Variants in SMG1 observed in about 807,000 individuals in gnomAD.
The protein encoded by SMG1 is serine/threonine-protein kinase SMG1.
In SMG1, 22 loss-of-function variants were observed where a neutral mutation model predicts 419.9. The ratio of observed to expected loss-of-function variants is 0.05; its 90% CI spans 0.04 to 0.07. The LOEUF (loss-of-function observed/expected upper bound fraction) is 0.07, where lower values mean the gene tolerates loss of function less well. Ranked by LOEUF, SMG1 falls within the 10% of genes least tolerant of loss-of-function variation. The pLI, the probability that SMG1 is intolerant of heterozygous loss-of-function variation, is 1.00. For missense variants in SMG1, 3,185 were observed against 4,342.0 expected (o/e 0.73, Z 7.49); for synonymous variants, 1,538 against 1,553.5 (o/e 0.99, Z 0.23).
intron 1 of SMG1, among the ~76,000 whole-genome samples, chr16:18,914,476 A>G (rs1374029543): frequency 6.6e-6 from 1 of 151,982 alleles, no homozygotes; most frequent in African/African-American, 2.4e-5. Context: ...TAAGGTCAGG[A>G]GTTCAAGACC....
rs553057862 is a variant in SMG1 at position 18,905,026 on chromosome 16, G to A, written c.93-8070C>T. The stretch of plus-strand genomic sequence containing the variant: ...CCTGTAATCCCAGCACTTTGGGAGG[G>A]TGAGGCAGGCAGATCATGAGTTCAG... On this transcript the variant is annotated intron_variant, in intron 1 of 62. Coordinates refer to ENST00000446231, the MANE Select transcript of SMG1 (RefSeq NM_015092.5). Among the ~76,000 whole-genome samples the A allele has an allele frequency of 4.6e-5, 7 of 152,014 alleles. No individual in the cohort carries two copies. In the South Asian group the frequency reaches 1.5e-3, roughly 32 times the overall value.
At chr16:18,837,735 C>A (rs979481834) in intron 45 of SMG1, among the ~76,000 whole-genome samples, 1 of 152,174 alleles carries the variant, frequency 6.6e-6, no homozygotes, top group Admixed American at 6.5e-5. Context: ...AGAACATTTA[C>A]AGTCATCACT....
At chr16:18,845,918 C>T (rs550515619) in intron 38 of SMG1, among the ~76,000 whole-genome samples, 9 of 152,140 alleles carry the variant, frequency 5.9e-5, no homozygotes, top group Admixed American at 3.9e-4. Flanking sequence ...CGGGTTCAAG[C>T]AATTCCTCTG....
rs903765314 is a variant in SMG1, at chr16:18,837,168, A to G, written c.7604+85T>C. On this transcript the variant is annotated intron_variant, in intron 46 of 62. Transcript: ENST00000446231. ...TATCATTTATGTGATTTGTTACAAT[A>G]ATTCTAATCCATATTGATGTTTACA... 38 of 1,202,400 alleles carry G rather than the reference A, an allele frequency of 3.2e-5. No homozygotes were observed. The African/African-American group carries it at 5.1e-4, about 16-fold the overall frequency. The allele number at this position is 1,202,400 out of a possible 1,614,324, so 74.5% of individuals were successfully genotyped here.
At chr16:18,920,382 C>CAAAAAA (rs67904345) in intron 1 of SMG1, among the ~76,000 whole-genome samples, 45 of 100,792 alleles carry the variant, frequency 4.5e-4, no homozygotes, top group African/African-American at 1.9e-3. Context: ...AACTCCGTCT[C>CAAAAAA]AAAAAAAAAA....
chr16:18,886,989 G>GT (rs1183747948), intron 6 of SMG1, among the ~76,000 whole-genome samples: 1 of 152,068 alleles, frequency 6.6e-6, no homozygotes, highest in Non-Finnish European at 1.5e-5. Context: ...CTGTTATACA[G>GT]AAGAAAAACC....
chr16:18,911,356 A>G (rs1348605780), intron 1 of SMG1: 1 of 152,042 alleles, frequency 6.6e-6, no homozygotes. Flanking sequence ...ACAAAAAAAA[A>G]AATTACCTGG....
chr16:18,839,576 T>C (rs2033792263), intron 42 of SMG1, 122 bp downstream of exon 42: 2 of 1,289,888 alleles, frequency 1.6e-6, no homozygotes, highest in Non-Finnish European at 2.2e-6. Context: ...CAAATATACG[T>C]CTCAAACTAC....
At chr16:18,868,027 G>T (rs997692127) in intron 22 of SMG1, among the ~76,000 whole-genome samples, 163 bp downstream of exon 22, 1 of 152,170 alleles carries the variant, frequency 6.6e-6, no homozygotes, top group African/African-American at 2.4e-5. Context: ...TTCTAACACT[G>T]TAACTCTGGC....
chr16:18,875,164 T>C (rs1393332561), intron 13 of SMG1: 1 of 152,628 alleles, frequency 6.6e-6, no homozygotes, highest in Non-Finnish European at 1.5e-5. Context: ...CAGTTTGGAC[T>C]CATCACATGA....
chr16:18,893,675 T>C (rs1353903510), intron 3 of SMG1, among the ~76,000 whole-genome samples: 1 of 151,974 alleles, frequency 6.6e-6, no homozygotes, highest in African/African-American at 2.4e-5. Context: ...CTGTGCTATT[T>C]ACCATAATTA....
At chr16:18,835,294 T>C in intron 48 of SMG1, 130 bp from the exon 49 acceptor site, 7 of 1,009,642 alleles carry the variant, frequency 6.9e-6, no homozygotes, top group Non-Finnish European at 9.8e-6. Context: ...GATAAAAATG[T>C]CTCAAGAGCT....
At position 18,830,339 on chromosome 16, in the gene SMG1, G is replaced by C; in HGVS notation, c.8823C>G (p.Ile2941Met). 6.2e-7 allele frequency: 1 copy of C among 1,613,868 alleles called. No homozygotes were observed. The highest frequency in any genetic ancestry group is 1.3e-5 in the African/African-American group (1 of 75,004). The change falls in exon 52 of 63, where the codon ATC becomes ATG. Residue 2941 changes from isoleucine (I) to methionine (M), a missense_variant. This residue lies in a region of SMG1 where 737 missense variants were observed against 846.6 expected (regional missense o/e 0.87). Coordinates refer to ENST00000446231, the MANE Select transcript of SMG1 (RefSeq NM_015092.5). ...RLLHAQYGELIQPRNGSVDET... is the reference protein window; with the variant it reads ...RLLHAQYGELMQPRNGSVDET... ...CATCAACTGAACCATTTCTCGGTTG[G>C]ATTAATTCACCGTACTGAGCATGTA...
chr16:18,850,125 A>T lies in SMG1; in HGVS notation c.5285T>A (p.Ile1762Asn). 1 of 1,610,972 alleles carries T rather than the reference A, an allele frequency of 6.2e-7. No homozygotes were observed. The highest frequency in any genetic ancestry group is 8.5e-7 in the Non-Finnish European group (1 of 1,178,294). The part of the protein sequence containing the change: ...FTFLKLNAGQ[I>N]PLDEDDPRLH... The stretch of plus-strand genomic sequence containing the variant: ...CCTAGGGTCATCCTCATCTAAAGGA[A>T]TCTAAGAGTGAAAGATGAGGGGAAT... The change falls in exon 35 of 63, where the codon ATT becomes AAT. Residue 1762 changes from isoleucine to asparagine, a missense_variant and splice_region_variant. Physicochemically the swap from Ile to Asn is moderately radical, Grantham distance 149 (BLOSUM62 -3). This residue lies in a region of SMG1 where 493 missense variants were observed against 552.9 expected (regional missense o/e 0.89). Coordinates refer to ENST00000446231, the MANE Select transcript of SMG1 (RefSeq NM_015092.5).
At position 18,864,068 on chromosome 16, in the gene SMG1, C is replaced by G; in HGVS notation, c.3427G>C (p.Asp1143His). 6.5e-7 allele frequency: 1 copy of G among 1,549,746 alleles called. No homozygotes were observed. The highest frequency in any genetic ancestry group is 1.4e-5 in the African/African-American group (1 of 73,038). Residue 1143 changes from aspartate to histidine, a missense_variant, in exon 24 of 63, where the codon GAC (aspartate) becomes CAC (histidine). By Grantham distance (81) the Asp-to-His change is moderately conservative. Around this residue, in one of 27 missense-constraint regions of SMG1, gnomAD observed 121 missense variants for 125.4 expected, o/e 0.96. Transcript: ENST00000446231. ...TGVDCCISSF[D>H]KSVLTLANAG... ...TTGGCTAAGGTGAGCACCGATTTGT[C>G]AAAGCTGGAGATGCAGCAATCAACA...
chr16:18,812,647 T>TAC (rs146911328), intron 60 of SMG1, among the ~76,000 whole-genome samples: 52 of 127,758 alleles, frequency 4.1e-4, no homozygotes, highest in East Asian at 1.0e-3. Flanking sequence ...TATACACATA[T>TAC]ACACACACAC....
chr16:18,864,916 A>T (rs1163531863), intron 23 of SMG1, among the ~76,000 whole-genome samples: 1 of 152,248 alleles, frequency 6.6e-6, no homozygotes, highest in African/African-American at 2.4e-5. Flanking sequence ...ATGAAACTAA[A>T]TTTAAAAGTG....
intron 2 of SMG1, 54 bp downstream of exon 2, chr16:18,896,739 G>T (rs2037144123): frequency 2.9e-6 from 4 of 1,400,092 alleles, no homozygotes; most frequent in Non-Finnish European, 4.0e-6. Flanking sequence ...AGGCAGGAAG[G>T]TGAGACAGGT....
intron 55 of SMG1, among the ~76,000 whole-genome samples, chr16:18,827,213 G>C (rs894733678): frequency 8.6e-5 from 13 of 152,038 alleles, no homozygotes; most frequent in African/African-American, 2.7e-4. Flanking sequence ...GATCACCTGA[G>C]GTCAGGAGTT....
Sources: allele counts gnomAD v4.1 joint callset (sites outside exome capture counted in the v4.1 genomes callset), GRCh38; gene constraint gnomAD v4.1.1; regional missense constraint gnomAD v4.1.1; transcripts MANE v1.5; gene names NCBI Gene and HGNC (gene_info 2026-07-23, HGNC 2026-07-21).